The following DRC11 variants were observed in gnomAD, a reference collection of about 807,000 sequenced individuals.
The protein encoded by DRC11 is IQ and AAA domain-containing protein 1.
At chr2:236,394,622 A>G in the DRC11 span, among the ~76,000 whole-genome samples, 30 of 139,626 alleles carry the variant, frequency 2.1e-4, no homozygotes, top group African/African-American at 6.8e-4. This position sits in a 1 kb window ranked among gnomAD's most constrained non-coding sequence, Gnocchi z 7.0. Flanking sequence ...TCTCAAAAAG[A>G]AAAAAAAAAA....
At chr2:236,463,860 G>A in the DRC11 span, among the ~76,000 whole-genome samples, 6 of 152,180 alleles carry the variant, frequency 3.9e-5, no homozygotes, top group East Asian at 7.7e-4. This position sits in a 1 kb window ranked among gnomAD's most constrained non-coding sequence, Gnocchi z 5.0. Flanking sequence ...AAGTGCTGGC[G>A]AAGACTGTGG....
At chr2:236,456,558 C>G in the DRC11 span, among the ~76,000 whole-genome samples, 1 of 152,196 alleles carries the variant, frequency 6.6e-6, no homozygotes, top group Non-Finnish European at 1.5e-5. This position sits in a 1 kb window ranked among gnomAD's most constrained non-coding sequence, Gnocchi z 5.4. Context: ...CAGGCCACCT[C>G]ACTTCTGACT....
chr2:236,419,841 G>A, the DRC11 span, among the ~76,000 whole-genome samples: 22 of 152,208 alleles, frequency 1.4e-4, no homozygotes, highest in African/African-American at 5.3e-4. This position sits in a 1 kb window ranked among gnomAD's most constrained non-coding sequence, Gnocchi z 4.8. Context: ...TAGCACTACT[G>A]GAGAATTATT....
At chr2:236,459,991 G>T in the DRC11 span, among the ~76,000 whole-genome samples, 2 of 152,116 alleles carry the variant, frequency 1.3e-5, no homozygotes, top group Non-Finnish European at 2.9e-5. Context: ...TTAAGAATTT[G>T]TTGAGCCATC....
the DRC11 span, among the ~76,000 whole-genome samples, chr2:236,352,970 C>G: frequency 6.6e-6 from 1 of 152,148 alleles, no homozygotes; most frequent in Non-Finnish European, 1.5e-5. This position sits in a 1 kb window ranked among gnomAD's most constrained non-coding sequence, Gnocchi z 7.0. Context: ...ACTGCCCCCC[C>G]AGGGGTTCCA....
chr2:236,477,760 T>C, the DRC11 span, among the ~76,000 whole-genome samples: 3 of 152,160 alleles, frequency 2.0e-5, no homozygotes, highest in Non-Finnish European at 2.9e-5. Context: ...TGGTTCAATT[T>C]TGGTAGGTTG....
At chr2:236,473,082 A>AT in the DRC11 span, among the ~76,000 whole-genome samples, 5 of 152,196 alleles carry the variant, frequency 3.3e-5, no homozygotes, top group African/African-American at 9.6e-5. This position sits in a 1 kb window ranked among gnomAD's most constrained non-coding sequence, Gnocchi z 4.8. Flanking sequence ...TGAGAATAAT[A>AT]TTTTTTTAAA....
At chr2:236,499,833 AGGAG>A in the DRC11 span, among the ~76,000 whole-genome samples, 1 of 152,184 alleles carries the variant, frequency 6.6e-6, no homozygotes, top group East Asian at 1.9e-4. The surrounding 1 kb of genome is among the most constrained non-coding windows in gnomAD (Gnocchi z 4.7). Context: ...CAGGAGGAAG[AGGAG>A]ATAAGTATCC....
At chr2:236,455,403 A>C in the DRC11 span, among the ~76,000 whole-genome samples, 1 of 152,170 alleles carries the variant, frequency 6.6e-6, no homozygotes, top group Non-Finnish European at 1.5e-5. This position sits in a 1 kb window ranked among gnomAD's most constrained non-coding sequence, Gnocchi z 5.7. Flanking sequence ...AGCAGTAGAG[A>C]AATGCAAGTT....
the DRC11 span, among the ~76,000 whole-genome samples, chr2:236,464,346 T>C: frequency 6.6e-6 from 1 of 152,196 alleles, no homozygotes; most frequent in African/African-American, 2.4e-5. Flanking sequence ...AGTGATATGA[T>C]GCAATACCCC....
At chr2:236,424,057 G>C in the DRC11 span, among the ~76,000 whole-genome samples, 10 of 122,338 alleles carry the variant, frequency 8.2e-5, no homozygotes, top group African/African-American at 3.0e-4. Context: ...GTTGTGGGGT[G>C]GGGGGAGGGG....
the DRC11 span, among the ~76,000 whole-genome samples, chr2:236,370,260 G>A: frequency 5.3e-5 from 8 of 152,240 alleles, no homozygotes; most frequent in African/African-American, 1.9e-4. The surrounding 1 kb of genome is among the most constrained non-coding windows in gnomAD (Gnocchi z 5.5). Context: ...GCTGAATGCC[G>A]TGCAGGTGCA....
the DRC11 span, chr2:236,455,092 C>T: frequency 6.6e-6 from 1 of 152,280 alleles, no homozygotes; most frequent in Non-Finnish European, 1.5e-5. This position sits in a 1 kb window ranked among gnomAD's most constrained non-coding sequence, Gnocchi z 5.7. Context: ...TTAGGAAAGA[C>T]CCAGGTTCCT....
chr2:236,440,341 A>C, the DRC11 span, among the ~76,000 whole-genome samples: 10 of 152,222 alleles, frequency 6.6e-5, no homozygotes, highest in Admixed American at 6.5e-4. Context: ...AATTTTACTC[A>C]GGAGATAAGA....
the DRC11 span, among the ~76,000 whole-genome samples, chr2:236,410,987 CA>C: frequency 1.4e-5 from 2 of 145,974 alleles, no homozygotes; most frequent in Non-Finnish European, 3.0e-5. Context: ...TAGGCATGGG[CA>C]AGGACTTCAT....
the DRC11 span, among the ~76,000 whole-genome samples, chr2:236,364,359 C>T: frequency 6.9e-6 from 1 of 144,052 alleles, no homozygotes; most frequent in Non-Finnish European, 1.5e-5. Flanking sequence ...TCTTTGAAAG[C>T]TTGGGAAGAG....
chr2:236,354,299 ATGTGTGCATG>A, the DRC11 span, among the ~76,000 whole-genome samples: 20 of 151,008 alleles, frequency 1.3e-4, no homozygotes, highest in Non-Finnish European at 1.9e-4. Context: ...TAGTGTGTAC[ATGTGTGCATG>A]TGTGTGCATG....
the DRC11 span, among the ~76,000 whole-genome samples, chr2:236,398,040 A>T: frequency 2.0e-5 from 3 of 152,208 alleles, no homozygotes; most frequent in Non-Finnish European, 4.4e-5. The surrounding 1 kb of genome is among the most constrained non-coding windows in gnomAD (Gnocchi z 6.2). Context: ...CTTGGATGAC[A>T]GCGGGGCTTC....
the DRC11 span, among the ~76,000 whole-genome samples, chr2:236,311,443 A>G: frequency 2.0e-5 from 3 of 152,206 alleles, no homozygotes; most frequent in Non-Finnish European, 4.4e-5. The surrounding 1 kb of genome is among the most constrained non-coding windows in gnomAD (Gnocchi z 6.9). Flanking sequence ...TCTTATCAAG[A>G]GTGAGCCTTG....
Sources: allele counts gnomAD v4.1 joint callset (sites outside exome capture counted in the v4.1 genomes callset), GRCh38; gene constraint gnomAD v4.1.1; non-coding constraint Gnocchi (gnomAD v3.1); transcripts MANE v1.5; gene names NCBI Gene and HGNC (gene_info 2026-07-23, HGNC 2026-07-21).